The following CNTNAP2 variants were observed in gnomAD, a reference collection of about 807,000 sequenced individuals.
The protein encoded by CNTNAP2 is contactin associated protein 2, also known as contactin-associated protein-like 2.
CNTNAP2 carries 98 observed loss-of-function variants against 155.2 expected under a neutral mutation model. That is an observed-to-expected ratio of 0.63 (90% CI 0.54 to 0.75). CNTNAP2 has a LOEUF of 0.75. CNTNAP2 is among the 30% of genes least tolerant of loss of function. The pLI is 0.00. For synonymous variants in CNTNAP2, 651 were observed against 631.2 expected (o/e 1.03, Z -0.47); for missense variants, 1,727 against 1,688.1 (o/e 1.02, Z -0.40).
chr7:147,414,669 C>T (rs1280717823), intron 10 of CNTNAP2, among the ~76,000 whole-genome samples: 4 of 151,822 alleles, frequency 2.6e-5, no homozygotes, highest in South Asian at 2.1e-4. Flanking sequence ...CTCCCAGGTG[C>T]GGTGGCTCAC....
chr7:146,711,673 T>C (rs1801074835), intron 1 of CNTNAP2, among the ~76,000 whole-genome samples: 2 of 148,640 alleles, frequency 1.3e-5, no homozygotes, highest in Admixed American at 1.4e-4. Context: ...CTATTTCGTA[T>C]ATATCTCATT....
At chr7:147,590,861 G>A (rs10262765) in intron 12 of CNTNAP2, among the ~76,000 whole-genome samples, 1 of 152,016 alleles carries the variant, frequency 6.6e-6, no homozygotes, top group African/African-American at 2.4e-5. Context: ...TTAAATGAGG[G>A]ATTGGAACAT....
chr7:146,923,471 G>T (rs17170292), intron 3 of CNTNAP2, among the ~76,000 whole-genome samples: 2,205 of 152,162 alleles, frequency 0.014, 57 homozygotes, highest in African/African-American at 0.05. Context: ...TGGCACAGTC[G>T]CTAGCATATA....
intron 8 of CNTNAP2, among the ~76,000 whole-genome samples, chr7:147,272,859 TATC>T (rs1385949087): frequency 3.9e-5 from 6 of 152,132 alleles, no homozygotes; most frequent in South Asian, 2.1e-4. Context: ...TAAATCTACT[TATC>T]ATCTGGATGA....
intron 14 of CNTNAP2, among the ~76,000 whole-genome samples, chr7:147,910,208 A>G (rs941766495): frequency 2.0e-5 from 3 of 152,144 alleles, no homozygotes; most frequent in African/African-American, 7.2e-5. Context: ...AATCTTAGTG[A>G]CTTTTTTCAT....
intron 21 of CNTNAP2, among the ~76,000 whole-genome samples, chr7:148,350,639 G>A (rs1414167720): frequency 6.6e-6 from 1 of 152,148 alleles, no homozygotes; most frequent in Non-Finnish European, 1.5e-5. Flanking sequence ...CCAACCTTTC[G>A]TAGTTATATC....
intron 21 of CNTNAP2, among the ~76,000 whole-genome samples, chr7:148,278,437 GTGGT>G: frequency 1.3e-5 from 2 of 152,090 alleles, no homozygotes; most frequent in African/African-American, 2.4e-5. Flanking sequence ...GGGCGTGGTG[GTGGT>G]CACCTGTAGT....
chr7:147,622,562 AT>A (rs1233310929), intron 12 of CNTNAP2, among the ~76,000 whole-genome samples: 1 of 152,052 alleles, frequency 6.6e-6, no homozygotes, highest in Non-Finnish European at 1.5e-5. Flanking sequence ...TAAGAAGGAA[AT>A]TGAAAAATGG....
intron 9 of CNTNAP2, among the ~76,000 whole-genome samples, chr7:147,365,399 A>AAAAAAAAAC (rs1796213155): frequency 6.8e-6 from 1 of 147,320 alleles, no homozygotes; most frequent in African/African-American, 2.5e-5. Flanking sequence ...AAAAAAAAAA[A>AAAAAAAAAC]AAAAAAAAAC....
intron 15 of CNTNAP2, among the ~76,000 whole-genome samples, chr7:147,983,433 C>T (rs150991165): frequency 5.0e-4 from 71 of 142,172 alleles, no homozygotes; most frequent in Middle Eastern, 3.5e-3. Context: ...ATACTGTTGA[C>T]AAAAAAAAAA....
intron 1 of CNTNAP2, among the ~76,000 whole-genome samples, chr7:146,422,907 A>G (rs1471101621): frequency 6.6e-6 from 1 of 152,184 alleles, no homozygotes; most frequent in Non-Finnish European, 1.5e-5. Context: ...AGTGCATCAT[A>G]AGATAAAAGG....
In CNTNAP2 at chr7:147,712,459, C is replaced by T. The variant is rs550726525; in HGVS notation, c.2098+73153C>T. On this transcript the variant is annotated intron_variant, in intron 13 of 23. Coordinates refer to ENST00000361727, the MANE Select transcript of CNTNAP2 (RefSeq NM_014141.6). Reference sequence around the variant, plus strand: ...GACACATGCACATGTATGTTTATTGCGGCACTATTCACAATAGCAAAGACT... The same window carrying T: ...GACACATGCACATGTATGTTTATTGTGGCACTATTCACAATAGCAAAGACT... Among the ~76,000 whole-genome samples, 650 of 152,180 alleles carry T rather than the reference C, an allele frequency of 4.3e-3. 3 individuals are homozygous for T. The highest frequency in any genetic ancestry group is 0.015 in the African/African-American group (604 of 41,530).
At chr7:146,716,305 C>T (rs183370253) in intron 1 of CNTNAP2, among the ~76,000 whole-genome samples, 2 of 151,658 alleles carry the variant, frequency 1.3e-5, no homozygotes, top group East Asian at 2.0e-4. Context: ...ATTGAGTGAC[C>T]TTATACATAC....
At chr7:147,951,734 C>T (rs1800932772) in intron 14 of CNTNAP2, among the ~76,000 whole-genome samples, 1 of 150,318 alleles carries the variant, frequency 6.7e-6, no homozygotes, top group South Asian at 2.1e-4. Flanking sequence ...CACATGGACA[C>T]AGGGAGGGGA....
intron 8 of CNTNAP2, among the ~76,000 whole-genome samples, chr7:147,145,035 T>A (rs1019652130): frequency 6.6e-6 from 1 of 152,214 alleles, no homozygotes; most frequent in African/African-American, 2.4e-5. Context: ...ATCAGTAAGA[T>A]GATATGACAT....
At chr7:148,315,578 A>AGG (rs1451216262) in intron 21 of CNTNAP2, among the ~76,000 whole-genome samples, 1 of 152,250 alleles carries the variant, frequency 6.6e-6, no homozygotes, top group African/African-American at 2.4e-5. Flanking sequence ...TGCAGGTCAC[A>AGG]GGAAATGATG....
At chr7:146,118,486 G>A (rs576795524) in intron 1 of CNTNAP2, among the ~76,000 whole-genome samples, 5 of 152,086 alleles carry the variant, frequency 3.3e-5, no homozygotes, top group Admixed American at 3.3e-4. Context: ...CCATTTCAAG[G>A]TCTGGTTGTA....
rs187266668 is a variant in CNTNAP2, at chr7:146,453,469, T to A, written c.98-320802T>A. On this transcript the variant is annotated intron_variant, in intron 1 of 23. Coordinates refer to ENST00000361727, the MANE Select transcript of CNTNAP2 (RefSeq NM_014141.6). ...CTTGTCATAAATGAAGCTTGGAATATTTCTAGGAAACACAAATGTCCAGAT... is the reference window on the plus strand; with the variant it reads ...CTTGTCATAAATGAAGCTTGGAATAATTCTAGGAAACACAAATGTCCAGAT... Among the ~76,000 whole-genome samples, 5 of 152,316 alleles carry A rather than the reference T, an allele frequency of 3.3e-5. No individual in the cohort carries two copies. In the East Asian group the frequency reaches 7.7e-4, roughly 24 times the overall value.
intron 1 of CNTNAP2, among the ~76,000 whole-genome samples, chr7:146,578,696 A>T (rs574890712): frequency 6.6e-6 from 1 of 152,274 alleles, no homozygotes; most frequent in South Asian, 2.1e-4. Flanking sequence ...AAAATTAAAG[A>T]TTCAAAGAAG....
Sources: allele counts gnomAD v4.1 joint callset (sites outside exome capture counted in the v4.1 genomes callset), GRCh38; gene constraint gnomAD v4.1.1; transcripts MANE v1.5; gene names NCBI Gene and HGNC (gene_info 2026-07-23, HGNC 2026-07-21).